PCYOX1: variants seen among roughly 807,000 people sequenced by gnomAD.
PCYOX1 encodes the protein prenylcysteine oxidase 1, also known as prenylcysteine lyase.
A neutral mutation model predicts 46.4 loss-of-function variants in PCYOX1; 46 were observed. The observed-to-expected ratio is 0.99, with a 90% CI of 0.78 to 1.27. The LOEUF (loss-of-function observed/expected upper bound fraction) is 1.27. Among genes scored for constraint, PCYOX1 ranks in the 50% most tolerant of loss-of-function variants. PCYOX1 has a pLI of 0.00. For missense variants in PCYOX1, 658 were observed against 628.3 expected, an observed-to-expected ratio of 1.05 and a Z score of -0.51; for synonymous variants, 220 against 231.8, an observed-to-expected ratio of 0.95 and a Z score of 0.46.
chr2:70,275,755 A>G lies in PCYOX1; in HGVS notation c.859+89A>G. 4 of 1,225,860 alleles carry G rather than the reference A, an allele frequency of 3.3e-6. 1 individual carries two copies. The South Asian group carries it at 5.2e-5, about 16-fold the overall frequency. The allele number at this position is 1,225,860 out of a possible 1,614,324, so 75.9% of individuals were successfully genotyped here. A position where few individuals can be genotyped will look rare whatever the true frequency, so the allele number is the denominator to read the frequency against. On this transcript the variant is annotated intron_variant, in intron 5 of 5. Transcript: ENST00000433351. The stretch of plus-strand genomic sequence containing the variant: ...ACTTCTCTTCTGTCATCTCTTACTC[A>G]GTTCTAAAATGATGAAACTTGAAAT...
At chr2:70,269,735 T>G (rs866722355) in intron 3 of PCYOX1, among the ~76,000 whole-genome samples, 39 of 151,260 alleles carry the variant, frequency 2.6e-4, no homozygotes, top group Middle Eastern at 3.2e-3. Context: ...ATTTTTTTTT[T>G]GACACGTGGA....
At chr2:70,262,774 C>A (rs111517325) in intron 3 of PCYOX1, among the ~76,000 whole-genome samples, 1 of 152,018 alleles carries the variant, frequency 6.6e-6, no homozygotes, top group Non-Finnish European at 1.5e-5. Context: ...CCACTGTGCC[C>A]GGCTAGCACA....
intron 3 of PCYOX1, among the ~76,000 whole-genome samples, chr2:70,268,216 C>G (rs1326345348): frequency 1.2e-4 from 18 of 152,100 alleles, no homozygotes; most frequent in Admixed American, 1.1e-3. Flanking sequence ...ATATTGCTAC[C>G]ATTTGTTCTC....
rs1388229904 is a variant in PCYOX1 at position 70,277,571 on chromosome 2, T to C, written c.*179T>C. ...CTAATTAAGTGTGAAGGTATAGCTA[T>C]TGCACTTATGCCATCTCCAAAATTT... On this transcript the variant is annotated 3_prime_UTR_variant, in exon 6 of 6. Transcript: ENST00000433351. The C allele has an allele frequency of 1.8e-6, 1 of 552,050 alleles. No individual in the cohort carries two copies. Among genetic ancestry groups the C allele is most frequent in the Non-Finnish European group, 3.2e-6 (1 of 314,860 alleles). 34.2% of individuals were successfully genotyped at this position (552,050 alleles called of 1,614,324 possible). A position where few individuals can be genotyped will look rare whatever the true frequency, so the allele number is the denominator to read the frequency against.
intron 3 of PCYOX1, among the ~76,000 whole-genome samples, chr2:70,262,935 A>T (rs1181206641): frequency 6.6e-6 from 1 of 152,126 alleles, no homozygotes; most frequent in Non-Finnish European, 1.5e-5. Context: ...TGAACAGGAC[A>T]AATATGAGTT....
intron 2 of PCYOX1, among the ~76,000 whole-genome samples, chr2:70,260,860 T>G (rs1002683387): frequency 2.6e-5 from 4 of 152,040 alleles, no homozygotes; most frequent in African/African-American, 9.7e-5. Context: ...CCAGAACAAA[T>G]TATGCCACGA....
In PCYOX1 at chr2:70,280,710, AT is replaced by A. The variant is rs1696761043; in HGVS notation, c.*3320del. On this transcript the variant is annotated 3_prime_UTR_variant, in exon 6 of 6. Coordinates refer to ENST00000433351, the MANE Select transcript of PCYOX1 (RefSeq NM_016297.4). The stretch of plus-strand genomic sequence containing the variant: ...ATGGGACTTCACATCAGTTCTCCTT[AT>A]TGATTGTTAGTTTGATCCCTCTTGT... 1 of 152,076 alleles carries A rather than the reference AT, an allele frequency of 6.6e-6. No individual in the cohort carries two copies. Among genetic ancestry groups the A allele is most frequent in the Non-Finnish European group, 1.5e-5 (1 of 67,958 alleles). 9.4% of individuals were successfully genotyped at this position (152,076 alleles called of 1,614,324 possible).
In PCYOX1 at chr2:70,277,755, A is replaced by T. The variant is rs1021268978; in HGVS notation, c.*363A>T. 1 of 172,082 alleles carries T rather than the reference A, an allele frequency of 5.8e-6. No individual in the cohort carries two copies. The highest frequency in any genetic ancestry group is 1.2e-5 in the Non-Finnish European group (1 of 80,758). The allele number at this position is 172,082 out of a possible 1,614,324, so 10.7% of individuals were successfully genotyped here. A position where few individuals can be genotyped will look rare whatever the true frequency, so the allele number is the denominator to read the frequency against. On this transcript the variant is annotated 3_prime_UTR_variant, in exon 6 of 6. Transcript: ENST00000433351. ...AAACTCCGTCTCAAAAGTAAATAAA[A>T]ATAATCACCTGGAGTTTGTTAAACC...
rs546678629 is a variant in PCYOX1 at position 70,266,946 on chromosome 2, G to A, written c.494+5560G>A. Reference sequence around the variant, plus strand: ...ACTTCTATTCGACAAAACTGCCATCGTCATCATGGCCCGTTCTCAATGAGC... The same window carrying A: ...ACTTCTATTCGACAAAACTGCCATCATCATCATGGCCCGTTCTCAATGAGC... On this transcript the variant is annotated intron_variant, in intron 3 of 5. Transcript: ENST00000433351. Among the ~76,000 whole-genome samples the A allele has an allele frequency of 2.0e-5, 3 of 152,168 alleles. No individual in the cohort carries two copies. In the East Asian group the frequency reaches 5.8e-4, roughly 29 times the overall value.
intron 1 of PCYOX1, 75 bp downstream of exon 1, chr2:70,258,351 A>G (rs1169382280): frequency 1.7e-5 from 16 of 922,510 alleles, no homozygotes; most frequent in Non-Finnish European, 2.5e-5. Context: ...CAGTGCGCCC[A>G]GATCCCACAG....
chr2:70,272,676 AG>A (rs1248766966), intron 3 of PCYOX1, among the ~76,000 whole-genome samples: 1 of 151,594 alleles, frequency 6.6e-6, no homozygotes, highest in African/African-American at 2.4e-5. Context: ...GTTTTTTAGT[AG>A]TATTTATTCT....
chr2:70,259,052 A>C (rs934136770), intron 1 of PCYOX1, among the ~76,000 whole-genome samples: 1 of 152,168 alleles, frequency 6.6e-6, no homozygotes, highest in Non-Finnish European at 1.5e-5. Context: ...TGTGCCCGTG[A>C]GTTGGGCATC....
In PCYOX1 at chr2:70,258,179, C is replaced by A; in HGVS notation, c.15C>A (p.Val5=). The change falls in exon 1 of 6, where the codon GTC becomes GTA. Residue 5 remains valine, a synonymous_variant. Transcript: ENST00000433351. MGRV[V]AELVSSLLGL... ...TTGTGGAGGCCATGGGGCGCGTCGT[C>A]GCGGAGCTCGTCTCCTCGCTGCTGG... 6.3e-7 allele frequency: 1 copy of A among 1,596,286 alleles called. No homozygotes were observed. The highest frequency in any genetic ancestry group is 8.5e-7 in the Non-Finnish European group (1 of 1,176,154).
Position 70,277,208 on chromosome 2 carries a change from G to GC in PCYOX1, c.1338dup (p.Ser447LeufsTer6), listed in dbSNP as rs1235196259. On this transcript the variant is annotated frameshift_variant, in exon 6 of 6. Coordinates refer to ENST00000433351, the MANE Select transcript of PCYOX1 (RefSeq NM_016297.4). LOFTEE classifies it high-confidence loss of function. ...CCTCACTATAAGCCCCCGGAGAAAT[G>GC]CCCCTCTATCATTCTCCATGATCGA... 6.2e-7 allele frequency: 1 copy of GC among 1,613,920 alleles called. No individual in the cohort carries two copies. The highest frequency in any genetic ancestry group is 1.3e-5 in the African/African-American group (1 of 74,908).
intron 2 of PCYOX1, among the ~76,000 whole-genome samples, chr2:70,259,973 GC>G (rs1018981890): frequency 1.3e-5 from 2 of 152,038 alleles, no homozygotes; most frequent in African/African-American, 4.8e-5. Flanking sequence ...CTGCCACCAC[GC>G]CCAGCTAATT....
In PCYOX1 at chr2:70,275,087, T is replaced by G. The variant is rs762098210; in HGVS notation, c.623T>G (p.Phe208Cys). 6.2e-7 allele frequency: 1 copy of G among 1,614,172 alleles called. No homozygotes were observed. Among genetic ancestry groups the G allele is most frequent in the Non-Finnish European group, 8.5e-7 (1 of 1,179,996 alleles). The change falls in exon 4 of 6, where the codon TTT (phenylalanine) becomes TGT (cysteine). Residue 208 changes from phenylalanine to cysteine, a missense_variant. Coordinates refer to ENST00000433351, the MANE Select transcript of PCYOX1 (RefSeq NM_016297.4). ...TLLETLQKAGFSEKFLNEMIA... is the reference protein window; with the variant it reads ...TLLETLQKAGCSEKFLNEMIA... ...CTTGAAACCTTGCAAAAGGCCGGCT[T>G]TTCTGAGAAGTTCCTCAATGAAATG...
intron 3 of PCYOX1, among the ~76,000 whole-genome samples, chr2:70,263,651 T>C (rs542381349): frequency 1.8e-4 from 28 of 151,904 alleles, no homozygotes; most frequent in African/African-American, 6.5e-4. Flanking sequence ...TGTGTATTGT[T>C]TTTCTTTTCT....
intron 3 of PCYOX1, among the ~76,000 whole-genome samples, chr2:70,271,037 T>A (rs1348459859): frequency 2.0e-5 from 3 of 152,046 alleles, no homozygotes; most frequent in Admixed American, 6.6e-5. Context: ...CCAGTTATAT[T>A]TTTTTAAAAA....
At chr2:70,266,945 C>T (rs866908401) in intron 3 of PCYOX1, among the ~76,000 whole-genome samples, 1 of 152,192 alleles carries the variant, frequency 6.6e-6, no homozygotes, top group African/African-American at 2.4e-5. Flanking sequence ...AAACTGCCAT[C>T]GTCATCATGG....
Sources: gnomAD v4.1 joint callset for allele counts (sites outside exome capture counted in the v4.1 genomes callset) on GRCh38, gnomAD v4.1.1 for gene constraint, MANE v1.5 for transcripts, NCBI Gene and HGNC (gene_info 2026-07-23, HGNC 2026-07-21) for gene names.